ABCD3: variants seen among roughly 807,000 people sequenced by gnomAD.
ABCD3 encodes the protein ATP-binding cassette sub-family D member 3.
A neutral mutation model predicts 105.5 loss-of-function variants in ABCD3; 41 were observed. The ratio of observed to expected loss-of-function variants is 0.39; its 90% CI spans 0.30 to 0.50. ABCD3 has a LOEUF of 0.50. Ranked by LOEUF, ABCD3 falls within the 20% of genes least tolerant of loss-of-function variation. The pLI, the probability that ABCD3 is intolerant of heterozygous loss-of-function variation, is 0.84. For missense variants in ABCD3, 622 were observed against 806.3 expected (o/e 0.77, Z 2.77); for synonymous variants, 258 against 269.0 (o/e 0.96, Z 0.40).
At chr1:94,406,597 A>G in the ABCD3 span, 1 of 303,982 alleles carries the variant, frequency 3.3e-6, no homozygotes, top group Non-Finnish European at 6.3e-6. Context: ...GTAATGATGT[A>G]ATGTGCTCAG....
intron 1 of ABCD3, among the ~76,000 whole-genome samples, chr1:94,439,253 G>C (rs979622932): frequency 2.0e-5 from 3 of 152,046 alleles, no homozygotes; most frequent in African/African-American, 7.2e-5. Context: ...CTGACACTGA[G>C]GGTTGTTAAC....
At chr1:94,455,894 AT>A (rs1647531685) in intron 1 of ABCD3, 2 of 1,183,778 alleles carry the variant, frequency 1.7e-6, no homozygotes, top group Non-Finnish European at 2.2e-6. Context: ...AATTTATAAC[AT>A]TTATTAGTGG....
At chr1:94,412,354 A>G in the ABCD3 span, among the ~76,000 whole-genome samples, 3 of 152,176 alleles carry the variant, frequency 2.0e-5, no homozygotes, top group Non-Finnish European at 4.4e-5. Flanking sequence ...AAATAAGTAT[A>G]TATTACTTTC....
chr1:94,463,502 T>C (rs1647977343), intron 2 of ABCD3, among the ~76,000 whole-genome samples: 1 of 152,212 alleles, frequency 6.6e-6, no homozygotes, highest in Non-Finnish European at 1.5e-5. Context: ...ATAGCGTTAC[T>C]CTACTAATAC....
At position 94,478,353 on chromosome 1, in the gene ABCD3, A is replaced by C. The variant is rs188949135; in HGVS notation, c.684+38A>C. ...TTATTTCAACTTTTAAATTGATATA[A>C]TATAATATTTGAAATACATATTGTG... is the stretch of plus-strand genomic sequence containing the variant. On this transcript the variant is annotated intron_variant, in intron 8 of 22. Coordinates refer to ENST00000370214, the MANE Select transcript of ABCD3 (RefSeq NM_002858.4). The C allele has an allele frequency of 6.1e-6, 9 of 1,485,028 alleles. No individual in the cohort carries two copies. The African/African-American group carries it at 1.1e-4, about 18-fold the overall frequency. The allele number at this position is 1,485,028 out of a possible 1,614,324, so 92.0% of individuals were successfully genotyped here.
At chr1:94,500,774 T>C (rs1381315795) in intron 20 of ABCD3, among the ~76,000 whole-genome samples, 6 of 152,132 alleles carry the variant, frequency 3.9e-5, no homozygotes, top group Non-Finnish European at 7.4e-5. Flanking sequence ...AACCTAATAG[T>C]GTGACTTGCC....
At chr1:94,462,752 C>T (rs1020489726) in intron 2 of ABCD3, among the ~76,000 whole-genome samples, 1 of 152,066 alleles carries the variant, frequency 6.6e-6, no homozygotes, top group Admixed American at 6.6e-5. Context: ...TCCATTTCAC[C>T]TCAGGATTGT....
intron 8 of ABCD3, chr1:94,480,206 A>G (rs767773064): frequency 5.4e-5 from 28 of 514,228 alleles, no homozygotes; most frequent in South Asian, 1.4e-4. Context: ...GTGAACTGCA[A>G]TTAGGAGTTT....
Position 94,489,785 on chromosome 1 carries a change from T to G in ABCD3, c.1218T>G (p.Tyr406Ter). The G allele has an allele frequency of 1.2e-6, 2 of 1,613,308 alleles. No homozygotes were observed. The highest frequency in any genetic ancestry group is 1.7e-6 in the Non-Finnish European group (2 of 1,179,476). ...QVLKDLNHGK[Y>*]ERTMVSQQEK... ...TGAAGGATTTAAATCATGGCAAATA[T>G]GAGCGCACAATGGTCTCACAACAGG... The change falls in exon 14 of 23, where the codon TAT becomes TAG. Residue 406 changes from tyrosine to a stop codon, truncating the protein, a stop_gained. Transcript: ENST00000370214. LOFTEE classifies it high-confidence loss of function.
intron 9 of ABCD3, among the ~76,000 whole-genome samples, chr1:94,481,004 C>G (rs935355975): frequency 2.0e-5 from 3 of 152,144 alleles, no homozygotes; most frequent in African/African-American, 7.2e-5. Context: ...GTGCCTCTAC[C>G]TATTTTCTAG....
intron 1 of ABCD3, among the ~76,000 whole-genome samples, chr1:94,437,518 A>G (rs1257469973): frequency 6.6e-6 from 1 of 152,240 alleles, no homozygotes; most frequent in East Asian, 1.9e-4. Flanking sequence ...TACTGCTCTG[A>G]AAAAAGATTC....
chr1:94,514,689 AAAT>A, intron 21 of ABCD3: 1 of 163,084 alleles, frequency 6.1e-6, no homozygotes, highest in Admixed American at 5.8e-5. Flanking sequence ...TGGGGGTGTT[AAAT>A]AATACATTTT....
At chr1:94,486,063 G>A (rs1471521580) in intron 10 of ABCD3, among the ~76,000 whole-genome samples, 1 of 151,836 alleles carries the variant, frequency 6.6e-6, no homozygotes, top group Non-Finnish European at 1.5e-5. Context: ...GTTGTGGCGG[G>A]GGCCTATAAT....
At chr1:94,422,906 CA>C (rs1003023520) in intron 1 of ABCD3, among the ~76,000 whole-genome samples, 15 of 152,266 alleles carry the variant, frequency 9.9e-5, no homozygotes, top group African/African-American at 3.6e-4. Context: ...CAGAACAAAG[CA>C]GTTTCTTTCG....
intron 1 of ABCD3, among the ~76,000 whole-genome samples, chr1:94,429,830 A>G (rs1041966736): frequency 6.6e-6 from 1 of 152,186 alleles, no homozygotes; most frequent in African/African-American, 2.4e-5. Flanking sequence ...CCCACACAGA[A>G]TCCCTGCTGG....
At chr1:94,488,414 T>C (rs764902329) in intron 13 of ABCD3, among the ~76,000 whole-genome samples, 13 of 152,110 alleles carry the variant, frequency 8.5e-5, no homozygotes, top group Admixed American at 2.0e-4. Flanking sequence ...AAATGAGATG[T>C]TATCTTGTAT....
At chr1:94,484,117 G>A (rs549339689) in intron 10 of ABCD3, among the ~76,000 whole-genome samples, 38 of 152,304 alleles carry the variant, frequency 2.5e-4, no homozygotes, top group African/African-American at 8.9e-4. Context: ...TTAGAATGGC[G>A]ATCATTGAAA....
At chr1:94,447,978 A>G (rs1398035488) in intron 1 of ABCD3, among the ~76,000 whole-genome samples, 2 of 152,216 alleles carry the variant, frequency 1.3e-5, no homozygotes, top group East Asian at 1.9e-4. Context: ...TTGGCAATTA[A>G]CAAAAGAAGC....
At position 94,475,619 on chromosome 1, in the gene ABCD3, T is replaced by C; in HGVS notation, c.509T>C (p.Phe170Ser). 6.2e-7 allele frequency: 1 copy of C among 1,611,480 alleles called. No homozygotes were observed. The highest frequency in any genetic ancestry group is 8.5e-7 in the Non-Finnish European group (1 of 1,178,028). ...TTTTCTTCTTGCTATTTTAGAGCTT[T>C]CACATATTATAAAATGGGGAATCTG... ...KYLYEEYLQA[F>S]TYYKMGNLDN... Residue 170 changes from phenylalanine to serine, a missense_variant, in exon 7 of 23, where the codon TTC becomes TCC. Physicochemically the swap from Phe to Ser is radical, Grantham distance 155. Transcript: ENST00000370214.
Sources: allele counts gnomAD v4.1 joint callset (sites outside exome capture counted in the v4.1 genomes callset), GRCh38; gene constraint gnomAD v4.1.1; transcripts MANE v1.5; gene names NCBI Gene and HGNC (gene_info 2026-07-23, HGNC 2026-07-21).